The following ERBB4 variants were observed in gnomAD, a reference collection of about 807,000 sequenced individuals.
ERBB4 encodes erb-b2 receptor tyrosine kinase 4, also known as receptor tyrosine-protein kinase erbB-4.
ERBB4 carries 42 observed loss-of-function variants against 158.0 expected under a neutral mutation model. The observed-to-expected ratio is 0.27, with a 90% confidence interval of 0.21 to 0.34. ERBB4 has a LOEUF of 0.34. ERBB4 is among the 10% of genes least tolerant of loss of function. The pLI is 1.00. For synonymous variants in ERBB4, 583 were observed against 558.7 expected, an observed-to-expected ratio of 1.04 and a Z score of -0.61; for missense variants, 1,333 against 1,624.1, an observed-to-expected ratio of 0.82 and a Z score of 3.08.
intron 3 of ERBB4, among the ~76,000 whole-genome samples, chr2:211,865,810 C>A (rs2078190658): frequency 6.6e-6 from 1 of 152,202 alleles, no homozygotes; most frequent in South Asian, 2.1e-4. Flanking sequence ...GTTCTATCTC[C>A]AAAATAGATT....
intron 20 of ERBB4, among the ~76,000 whole-genome samples, chr2:211,492,589 A>C (rs2065371797): frequency 6.6e-6 from 1 of 152,052 alleles, no homozygotes; most frequent in Non-Finnish European, 1.5e-5. Context: ...TGATGGGCAA[A>C]ATAAGTTTGT....
chr2:212,272,862 T>C lies in ERBB4; in HGVS notation c.83-147959A>G, dbSNP rs1432723540. On this transcript the variant is annotated intron_variant, in intron 1 of 27. Coordinates refer to ENST00000342788, the MANE Select transcript of ERBB4 (RefSeq NM_005235.3). ...TAGATTTCATTATTTATATTGAATATATTACGTATTTGAACACAGTTTTAC... is the reference window on the plus strand; with the variant it reads ...TAGATTTCATTATTTATATTGAATACATTACGTATTTGAACACAGTTTTAC... 3.3e-5 allele frequency among the ~76,000 whole-genome samples: 5 copies of C among 151,832 alleles called. No individual in the cohort carries two copies. In the East Asian group the frequency reaches 9.7e-4, roughly 30 times the overall value.
intron 26 of ERBB4, 132 bp downstream of exon 26, chr2:211,387,813 A>G: frequency 2.6e-6 from 2 of 756,820 alleles, no homozygotes; most frequent in Non-Finnish European, 4.9e-6. Flanking sequence ...AGGCAGCTAC[A>G]CGATGTACAC....
chr2:212,044,448 C>T (rs1226232133), intron 2 of ERBB4, among the ~76,000 whole-genome samples: 2 of 152,010 alleles, frequency 1.3e-5, no homozygotes, highest in African/African-American at 4.8e-5. Context: ...TCTACCTAAC[C>T]CTCCCCCTTT....
intron 3 of ERBB4, among the ~76,000 whole-genome samples, chr2:211,915,059 G>C (rs113004946): frequency 0.011 from 1,659 of 152,206 alleles, 25 homozygotes; most frequent in African/African-American, 0.038. Context: ...TTTCAGGTCT[G>C]AAGGCAAAGT....
intron 7 of ERBB4, among the ~76,000 whole-genome samples, chr2:211,721,153 T>G (rs62182981): frequency 0.11 from 16,523 of 152,130 alleles, 1,513 homozygotes; most frequent in African/African-American, 0.25. Context: ...CAAACTGTGT[T>G]GTGTGCATTT....
chr2:212,506,352 C>T (rs76451859), intron 1 of ERBB4, among the ~76,000 whole-genome samples: 3,566 of 129,848 alleles, frequency 0.027, 427 homozygotes, highest in South Asian at 0.097. Flanking sequence ...AAAAGAATTG[C>T]ATGTCTCTCA....
At chr2:212,225,014 C>T (rs1318307647) in intron 1 of ERBB4, among the ~76,000 whole-genome samples, 2 of 151,860 alleles carry the variant, frequency 1.3e-5, no homozygotes, top group African/African-American at 4.8e-5. Context: ...TCAATTTTTT[C>T]CTGAACCATT....
intron 12 of ERBB4, among the ~76,000 whole-genome samples, chr2:211,695,836 T>C (rs541533626): frequency 6.6e-6 from 1 of 152,334 alleles, no homozygotes; most frequent in Non-Finnish European, 1.5e-5. Context: ...TCACATTACA[T>C]GTGTATATAT....
At chr2:212,469,541 G>C (rs1461256813) in intron 1 of ERBB4, among the ~76,000 whole-genome samples, 3 of 152,110 alleles carry the variant, frequency 2.0e-5, no homozygotes, top group African/African-American at 7.2e-5. Flanking sequence ...GTTCTAAAAA[G>C]ATATTATGTC....
intron 1 of ERBB4, among the ~76,000 whole-genome samples, chr2:212,132,767 A>G (rs181516126): frequency 8.1e-4 from 123 of 152,210 alleles, no homozygotes; most frequent in Non-Finnish European, 1.3e-3. Context: ...CATTTTAAAT[A>G]AATCTCTATG....
At chr2:211,731,502 T>C (rs2074426434) in intron 5 of ERBB4, among the ~76,000 whole-genome samples, 1 of 152,122 alleles carries the variant, frequency 6.6e-6, no homozygotes, top group African/African-American at 2.4e-5. Context: ...TACTGACTAT[T>C]AGAGGGATAA....
chr2:211,493,674 T>G (rs190642840), intron 20 of ERBB4, among the ~76,000 whole-genome samples: 204 of 123,838 alleles, frequency 1.6e-3, no homozygotes, highest in African/African-American at 6.5e-3. Flanking sequence ...TGATTTGAAA[T>G]ATATATTTTT....
chr2:212,072,869 A>T (rs2078164154), intron 2 of ERBB4, among the ~76,000 whole-genome samples: 1 of 151,972 alleles, frequency 6.6e-6, no homozygotes, highest in Non-Finnish European at 1.5e-5. Flanking sequence ...AATTATGCAA[A>T]TGAGTGAGTA....
chr2:212,250,718 C>T (rs2084499635), intron 1 of ERBB4, among the ~76,000 whole-genome samples: 3 of 151,684 alleles, frequency 2.0e-5, no homozygotes, highest in South Asian at 2.1e-4. Context: ...CTTCCCTTCA[C>T]GTTCTAGGCA....
At chr2:212,185,541 T>C (rs1381902570) in intron 1 of ERBB4, among the ~76,000 whole-genome samples, 1 of 152,000 alleles carries the variant, frequency 6.6e-6, no homozygotes, top group African/African-American at 2.4e-5. Flanking sequence ...TTTCCTAGAG[T>C]GTCAGTAAGC....
intron 4 of ERBB4, among the ~76,000 whole-genome samples, chr2:211,756,420 T>G (rs539566205): frequency 6.4e-4 from 98 of 152,198 alleles, no homozygotes; most frequent in African/African-American, 2.2e-3. Context: ...AGTTTAGGGT[T>G]TTTTGAGCAT....
intron 2 of ERBB4, among the ~76,000 whole-genome samples, chr2:211,971,045 G>C (rs1321015193): frequency 1.3e-5 from 2 of 152,262 alleles, no homozygotes; most frequent in African/African-American, 4.8e-5. Flanking sequence ...GTGCTTCCTT[G>C]AGGAGCTCTT....
chr2:211,739,056 C>A lies in ERBB4; in HGVS notation c.622+11583G>T, dbSNP rs576309013. Among the ~76,000 whole-genome samples, 157 of 152,234 alleles carry A rather than the reference C, an allele frequency of 1.0e-3. 1 individual carries two copies. Among genetic ancestry groups the A allele is most frequent in the African/African-American group, 3.7e-3 (155 of 41,548 alleles). On this transcript the variant is annotated intron_variant, in intron 5 of 27. Coordinates refer to ENST00000342788, the MANE Select transcript of ERBB4 (RefSeq NM_005235.3). ...TTTCCTAGTACTTCCAGTTATATCA[C>A]ATGTTTTTAAATTTTTAATCTATAA...
Sources: allele counts gnomAD v4.1 joint callset (sites outside exome capture counted in the v4.1 genomes callset), GRCh38; gene constraint gnomAD v4.1.1; transcripts MANE v1.5; gene names NCBI Gene and HGNC (gene_info 2026-07-23, HGNC 2026-07-21).